SERF2: variants seen among roughly 807,000 people sequenced by gnomAD.
SERF2 encodes the protein gastric cancer-related protein VRG107.
In SERF2, 4 loss-of-function variants were observed where a neutral mutation model predicts 10.7. The ratio of observed to expected loss-of-function variants is 0.37; its 90% confidence interval spans 0.18 to 0.86. The LOEUF (loss-of-function observed/expected upper bound fraction) is 0.86, where lower values mean the gene tolerates loss of function less well. Ranked by LOEUF, SERF2 falls within the 40% of genes least tolerant of loss-of-function variation. SERF2 has a pLI of 0.43. For synonymous variants in SERF2, 26 were observed against 26.0 expected, an observed-to-expected ratio of 1.00 and a Z score of 0.01; for missense variants, 47 against 79.1, an observed-to-expected ratio of 0.59 and a Z score of 1.54.
chr15:43,780,222 C>G (rs1596031507), intron 1 of SERF2, among the ~76,000 whole-genome samples: 1 of 152,114 alleles, frequency 6.6e-6, no homozygotes. Flanking sequence ...TCACTGCAAG[C>G]TCTGCCTCCC....
chr15:43,792,159 A>T (rs1335453215), upstream of SERF2: 3 of 583,552 alleles, frequency 5.1e-6, no homozygotes, highest in Non-Finnish European at 9.3e-6. Context: ...CCCCACGCTG[A>T]GCGCTCCGCC....
At position 43,794,045 on chromosome 15, in the gene SERF2, T is replaced by G; in HGVS notation, c.*272T>G. 1.5e-6 allele frequency: 2 copies of G among 1,373,262 alleles called. No individual in the cohort carries two copies. Among genetic ancestry groups the G allele is most frequent in the Admixed American group, 2.8e-5 (1 of 35,328 alleles). The allele number at this position is 1,373,262 out of a possible 1,614,324, so 85.1% of individuals were successfully genotyped here. On this transcript the variant is annotated 3_prime_UTR_variant, in exon 3 of 3. Transcript: ENST00000249786. ...AAAGTATTAAAAGTAGCTTTGTAAT[T>G]CCTTGAGCGCCTGGTTTGACTGGGG...
upstream of SERF2, among the ~76,000 whole-genome samples, chr15:43,791,136 C>T (rs1365818355): frequency 4.1e-5 from 6 of 147,744 alleles, no homozygotes; most frequent in East Asian, 6.1e-4. Flanking sequence ...TGCAGTGGTG[C>T]GATCTCGGCT....
intron 1 of SERF2, among the ~76,000 whole-genome samples, chr15:43,782,774 T>C (rs1292704330): frequency 6.6e-6 from 1 of 152,120 alleles, no homozygotes; most frequent in Non-Finnish European, 1.5e-5. Flanking sequence ...TTATCCACCA[T>C]GCATTCTTTT....
At chr15:43,793,241 A>G in intron 2 of SERF2, 158 bp downstream of exon 2, 3 of 598,846 alleles carry the variant, frequency 5.0e-6, no homozygotes, top group Admixed American at 3.0e-5. Flanking sequence ...CCACCCTCCA[A>G]ATTGTTAGCT....
upstream of SERF2, among the ~76,000 whole-genome samples, chr15:43,787,597 C>T (rs2087018418): frequency 1.3e-5 from 2 of 152,060 alleles, no homozygotes; most frequent in African/African-American, 4.8e-5. Flanking sequence ...GGGGTTTTAC[C>T]ATGTTGGTCA....
upstream of SERF2, among the ~76,000 whole-genome samples, chr15:43,789,783 A>G (rs919596649): frequency 1.3e-5 from 2 of 151,672 alleles, no homozygotes; most frequent in African/African-American, 4.8e-5. Context: ...TGGGGTGGGT[A>G]GATCACTTGA....
chr15:43,793,172 A>C (rs1165318763), intron 2 of SERF2, 89 bp downstream of exon 2: 13 of 790,144 alleles, frequency 1.6e-5, no homozygotes, highest in Non-Finnish European at 2.8e-5. Context: ...TCAGGGCTTG[A>C]ATGTGGACTA....
At chr15:43,780,118 T>G (rs559314255) in intron 1 of SERF2, among the ~76,000 whole-genome samples, 1 of 152,254 alleles carries the variant, frequency 6.6e-6, no homozygotes, top group South Asian at 2.1e-4. Context: ...CTGTGTTTTT[T>G]GCAAATTTAA....
intron 2 of SERF2, chr15:43,793,404 G>A: frequency 1.5e-6 from 1 of 656,482 alleles, no homozygotes; most frequent in Non-Finnish European, 2.5e-6. Flanking sequence ...CCTCCTTGCT[G>A]TTCGGTTCTC....
At chr15:43,791,687 C>T (rs901620631), upstream of SERF2, among the ~76,000 whole-genome samples, 2 of 152,236 alleles carry the variant, frequency 1.3e-5, no homozygotes, top group Admixed American at 1.3e-4. Flanking sequence ...TACTTCCAAG[C>T]TGCATGTTCA....
Position 43,795,098 on chromosome 15 carries a change from G to C in SERF2, c.*1325G>C. 6.2e-7 allele frequency: 1 copy of C among 1,613,936 alleles called. No homozygotes were observed. The highest frequency in any genetic ancestry group is 8.5e-7 in the Non-Finnish European group (1 of 1,179,996). ...TTCTGGGTGGGGGGCCAACAGAGTG[G>C]TGCCAGTAACAGCCCCAGATAGAGG... On this transcript the variant is annotated 3_prime_UTR_variant, in exon 3 of 3. Transcript: ENST00000249786.
intron 2 of SERF2, 59 bp downstream of exon 2, chr15:43,793,142 T>C (rs1430649660): frequency 3.6e-6 from 4 of 1,120,188 alleles, no homozygotes; most frequent in Non-Finnish European, 4.0e-6. Context: ...CCAAGGGTTA[T>C]AGAAGGAAAG....
Position 43,795,509 on chromosome 15 carries a change from G to C in SERF2, c.*1736G>C. 1 of 1,614,168 alleles carries C rather than the reference G, an allele frequency of 6.2e-7. No individual in the cohort carries two copies. Among genetic ancestry groups the C allele is most frequent in the Non-Finnish European group, 8.5e-7 (1 of 1,180,026 alleles). Reference sequence around the variant, plus strand: ...ACTGGAGGAGCTGGAGGGGTTTCTTGGTCAGCTGGCCTCGCAGCCCCACCC... The same window carrying C: ...ACTGGAGGAGCTGGAGGGGTTTCTTCGTCAGCTGGCCTCGCAGCCCCACCC... On this transcript the variant is annotated 3_prime_UTR_variant, in exon 3 of 3. Transcript: ENST00000249786.
At position 43,782,434 on chromosome 15, in the gene SERF2, T is replaced by G. The variant is rs568905337; in HGVS notation, c.-526-2976T>G. Among the ~76,000 whole-genome samples, 12 of 152,348 alleles carry G rather than the reference T, an allele frequency of 7.9e-5. 1 individual carries two copies. The East Asian group carries it at 1.7e-3, about 22-fold the overall frequency. ...TATGCATTTTTTTTGTTTGCTTAGT[T>G]ACCTATGTACTTATTACCAATTCAT... On this transcript the variant is annotated intron_variant, in intron 1 of 4. Transcript: ENST00000381359.
chr15:43,783,308 CT>C (rs916002690), intron 1 of SERF2, among the ~76,000 whole-genome samples: 4 of 140,044 alleles, frequency 2.9e-5, no homozygotes, highest in African/African-American at 1.1e-4. Context: ...GCCTGGCCAA[CT>C]TTTTTTTTGA....
chr15:43,783,902 C>T (rs565646949), intron 1 of SERF2, among the ~76,000 whole-genome samples: 1 of 143,318 alleles, frequency 7.0e-6, no homozygotes, highest in South Asian at 2.3e-4. Flanking sequence ...GCTGGGACTA[C>T]AAGCGGGTGC....
Position 43,794,288 on chromosome 15 carries a change from T to C in SERF2, c.*515T>C. The C allele has an allele frequency of 3.5e-6, 1 of 286,300 alleles. No individual in the cohort carries two copies. Among genetic ancestry groups the C allele is most frequent in the East Asian group, 6.7e-5 (1 of 14,932 alleles). The allele number at this position is 286,300 out of a possible 1,614,324, so 17.7% of individuals were successfully genotyped here. The stretch of plus-strand genomic sequence containing the variant: ...TTTCTGTGATTTTTGTTCCCCACCC[T>C]TGAACACCATCTCTAGGATGGAGTT... On this transcript the variant is annotated 3_prime_UTR_variant, in exon 3 of 3. Transcript: ENST00000249786.
chr15:43,795,412 A>G lies in SERF2; in HGVS notation c.*1639A>G, dbSNP rs2087186719. 1 of 1,614,056 alleles carries G rather than the reference A, an allele frequency of 6.2e-7. No homozygotes were observed. Among genetic ancestry groups the G allele is most frequent in the South Asian group, 1.1e-5 (1 of 91,090 alleles). On this transcript the variant is annotated 3_prime_UTR_variant, in exon 3 of 3. Transcript: ENST00000249786. ...CCTGAACCAGTTGGTAAGGGTAACC[A>G]TGACATAGAGTGAGGCAAGGAAGAA... is the stretch of plus-strand genomic sequence containing the variant.
Sources: allele counts gnomAD v4.1 joint callset (sites outside exome capture counted in the v4.1 genomes callset), GRCh38; gene constraint gnomAD v4.1.1; transcripts MANE v1.5; gene names NCBI Gene and HGNC (gene_info 2026-07-23, HGNC 2026-07-21).